The following CDH26 variants were observed in gnomAD, a reference collection of about 807,000 sequenced individuals.
CDH26 encodes the protein cadherin 26, also known as cadherin-like protein 26.
Under a neutral mutation model 90.3 loss-of-function variants are expected in CDH26, and 83 were observed. That is an observed-to-expected ratio of 0.92 (90% CI 0.77 to 1.10). The LOEUF is 1.10. Ranked by LOEUF, CDH26 falls within the 50% of genes least tolerant of loss-of-function variation. The probability of loss-of-function intolerance (pLI) is 0.00; values close to 1 mark genes in which losing one functional copy is unlikely to be tolerated. For synonymous variants in CDH26, 397 were observed against 396.3 expected (o/e 1.00, Z -0.02); for missense variants, 1,013 against 1,037.6 (o/e 0.98, Z 0.33).
chr20:60,001,621 A>G (rs1437096277), intron 15 of CDH26: 2 of 985,112 alleles, frequency 2.0e-6, no homozygotes, highest in Non-Finnish European at 1.2e-6. Context: ...TGCTGTTTTT[A>G]GAGTTGTTTG....
chr20:59,967,359 T>G (rs1410255575), intron 1 of CDH26, among the ~76,000 whole-genome samples: 1 of 152,224 alleles, frequency 6.6e-6, no homozygotes, highest in Non-Finnish European at 1.5e-5. Flanking sequence ...CTATCAAATT[T>G]TCTTTTAAAT....
chr20:59,961,452 T>G (rs1173554454), intron 1 of CDH26, among the ~76,000 whole-genome samples: 2 of 152,210 alleles, frequency 1.3e-5, no homozygotes, highest in African/African-American at 4.8e-5. Flanking sequence ...CCTTTAACTC[T>G]TAAAGAGCTT....
At chr20:59,970,216 C>T (rs1045814832) in intron 3 of CDH26, 30 bp downstream of exon 3, 2 of 1,607,340 alleles carry the variant, frequency 1.2e-6, no homozygotes, top group African/African-American at 1.3e-5. Context: ...GGAATGACCC[C>T]ATCATGCCCT....
chr20:59,967,880 C>CTCTCTCTCTCTCT (rs1195650307), intron 1 of CDH26, among the ~76,000 whole-genome samples: 1 of 74,922 alleles, frequency 1.3e-5, no homozygotes, highest in African/African-American at 8.6e-5. Context: ...TTTCTTTCTT[C>CTCTCTCTCTCTCT]CTTCCTTCCT....
Position 59,982,938 on chromosome 20 carries a change from G to C in CDH26, c.409G>C (p.Val137Leu), listed in dbSNP as rs766374707. The C allele has an allele frequency of 1.7e-5, 27 of 1,613,922 alleles. No individual in the cohort carries two copies. The Admixed American group carries it at 4.5e-4, about 27-fold the overall frequency. ...TGCTTCCTAGGTTTATTTTGATGTT[G>C]TGGAGCGCTCAACAGGAAAAATTGT... ...TPSFTVYFDV[V>L]ERSTGKIVDT... The change falls in exon 5 of 18, where the codon GTG becomes CTG. Residue 137 changes from valine (V) to leucine (L), a missense_variant. Val to Leu is a conservative substitution (Grantham distance 32, BLOSUM62 1). Coordinates refer to ENST00000348616, the MANE Select transcript of CDH26 (RefSeq NM_177980.4).
chr20:59,992,353 T>C lies in CDH26; in HGVS notation c.1284-25T>C. 1 of 1,594,070 alleles carries C rather than the reference T, an allele frequency of 6.3e-7. No individual in the cohort carries two copies. The highest frequency in any genetic ancestry group is 8.5e-7 in the Non-Finnish European group (1 of 1,174,138). On this transcript the variant is annotated intron_variant, in intron 9 of 17. Transcript: ENST00000348616. This position sits in a 1 kb window ranked among gnomAD's most constrained non-coding sequence, Gnocchi z 5.0. Reference sequence around the variant, plus strand: ...TAATGTAAGTTTTTAATTTTAAAAATTGCTGTCCGTTTTCCTTCTACAAGA... The same window carrying C: ...TAATGTAAGTTTTTAATTTTAAAAACTGCTGTCCGTTTTCCTTCTACAAGA...
rs760251166 is a variant in CDH26, at chr20:59,988,935, G to A, written c.1055G>A (p.Ser352Asn). ...GATTATGAGACTCGCCCAGCGCAAA[G>A]CCTCATCATTGTCGTGGAGAATGAG... The part of the protein sequence containing the change: ...PLDYETRPAQ[S>N]LIIVVENEER... Residue 352 changes from serine to asparagine, a missense_variant, in exon 9 of 18, where the codon AGC (serine) becomes AAC (asparagine). By Grantham distance (46) the Ser-to-Asn change is conservative. Transcript: ENST00000348616. 7 of 1,614,164 alleles carry A rather than the reference G, an allele frequency of 4.3e-6. No homozygotes were observed. In the South Asian group the frequency reaches 7.7e-5, roughly 18 times the overall value.
At chr20:60,027,856 C>CT (rs2062010826) in intron 7 of CDH26, among the ~76,000 whole-genome samples, 1 of 152,144 alleles carries the variant, frequency 6.6e-6, no homozygotes, top group Non-Finnish European at 1.5e-5. Context: ...GGGTGACCTG[C>CT]TACCTTTTAA....
rs2061586654 is a variant in CDH26, at chr20:59,995,838, T to C, written c.1672T>C (p.Ser558Pro). The C allele has an allele frequency of 6.2e-7, 1 of 1,613,826 alleles. No homozygotes were observed. Among genetic ancestry groups the C allele is most frequent in the Non-Finnish European group, 8.5e-7 (1 of 1,179,668 alleles). ...TWKLGRNWGQ[S>P]VELLTLRSLP... ...TGTTCTTTTTCCCTTTGCAGGTCAA[T>C]CAGTTGAACTTTTAACCTTGAGAAG... The change falls in exon 12 of 18, where the codon TCA (serine) becomes CCA (proline). Residue 558 changes from serine (S) to proline (P), a missense_variant. Transcript: ENST00000348616.
At chr20:59,989,548 A>AG (rs1453570618) in intron 9 of CDH26, among the ~76,000 whole-genome samples, 3 of 151,238 alleles carry the variant, frequency 2.0e-5, no homozygotes. Flanking sequence ...AAAAAAAAAA[A>AG]AAAAAGAAAA....
chr20:59,966,825 GA>G lies in CDH26; in HGVS notation c.70-2137del, dbSNP rs1386563284. 8.5e-5 allele frequency among the ~76,000 whole-genome samples: 13 copies of G among 152,240 alleles called. No individual in the cohort carries two copies. The East Asian group carries it at 1.9e-3, about 23-fold the overall frequency. On this transcript the variant is annotated intron_variant, in intron 1 of 17. Transcript: ENST00000348616. ...TTATTACCATAGCATTTTTGGTAATGAAAAACTGGAACCAACCTAAATGACC... is the reference window on the plus strand; with the variant it reads ...TTATTACCATAGCATTTTTGGTAATGAAAACTGGAACCAACCTAAATGACC...
downstream of CDH26, among the ~76,000 whole-genome samples, chr20:60,035,103 G>T (rs1286779664): frequency 6.6e-6 from 1 of 152,208 alleles, no homozygotes; most frequent in African/African-American, 2.4e-5. Flanking sequence ...AAGAGATCCT[G>T]CCCTGTCAAC....
chr20:59,989,188 C>T (rs762521611), intron 9 of CDH26, 25 bp downstream of exon 9: 10 of 1,611,430 alleles, frequency 6.2e-6, no homozygotes, highest in African/African-American at 1.3e-5. Context: ...CCAAGAAGGG[C>T]GGTTGTTTAA....
At chr20:60,010,363 A>G (rs188585206) in intron 17 of CDH26, among the ~76,000 whole-genome samples, 1 of 152,304 alleles carries the variant, frequency 6.6e-6, no homozygotes, top group East Asian at 1.9e-4. Context: ...TCACCCTCTC[A>G]GAATTACTAT....
chr20:60,031,885 C>T (rs1451023577), intron 8 of CDH26, among the ~76,000 whole-genome samples: 1 of 152,180 alleles, frequency 6.6e-6, no homozygotes, highest in Non-Finnish European at 1.5e-5. Context: ...ATCAAGACCC[C>T]AACAGGCAGC....
At chr20:60,002,674 A>G (rs1392011531) in intron 15 of CDH26, 139 bp from the exon 16 acceptor site, 3 of 481,426 alleles carry the variant, frequency 6.2e-6, no homozygotes, top group Admixed American at 7.9e-5. Flanking sequence ...AATTTCTGCT[A>G]TGAATATCTA....
chr20:60,003,914 C>T (rs2061708094), intron 16 of CDH26, among the ~76,000 whole-genome samples: 1 of 152,098 alleles, frequency 6.6e-6, no homozygotes, highest in South Asian at 2.1e-4. Context: ...CAAAATCACC[C>T]CAAGTCTACC....
intron 16 of CDH26, among the ~76,000 whole-genome samples, chr20:60,005,017 C>A (rs1009266980): frequency 6.6e-6 from 1 of 151,800 alleles, no homozygotes; most frequent in Admixed American, 6.6e-5. Flanking sequence ...CTGCCACCCC[C>A]GAGACAGCAA....
At chr20:59,967,576 G>A (rs973966647) in intron 1 of CDH26, among the ~76,000 whole-genome samples, 2 of 152,074 alleles carry the variant, frequency 1.3e-5, no homozygotes, top group East Asian at 3.9e-4. Context: ...AAAATACCCC[G>A]TGTGAAAATT....
Sources: gnomAD v4.1 joint callset for allele counts (sites outside exome capture counted in the v4.1 genomes callset) on GRCh38, gnomAD v4.1.1 for gene constraint, Gnocchi (gnomAD v3.1) non-coding constraint, MANE v1.5 for transcripts, NCBI Gene and HGNC (gene_info 2026-07-23, HGNC 2026-07-21) for gene names.